The following C12orf42 variants were observed in gnomAD, a reference collection of about 807,000 sequenced individuals.
The protein encoded by C12orf42 is uncharacterized protein C12orf42.
Under a neutral mutation model 21.6 loss-of-function variants are expected in C12orf42, and 25 were observed. That is an observed-to-expected ratio of 1.16 (90% CI 0.84 to 1.62). C12orf42 has a LOEUF of 1.62. Ranked by LOEUF, C12orf42 falls within the 40% of genes most tolerant of loss-of-function variation. C12orf42 has a pLI of 0.00. For synonymous variants in C12orf42, 174 were observed against 175.0 expected (o/e 0.99, Z 0.05); for missense variants, 483 against 459.3 (o/e 1.05, Z -0.47).
chr12:103,346,694 C>A (rs2042649960), intron 4 of C12orf42, among the ~76,000 whole-genome samples: 1 of 152,172 alleles, frequency 6.6e-6, no homozygotes, highest in South Asian at 2.1e-4. Flanking sequence ...CCATCCTAAG[C>A]AGAATCCTTC....
the C12orf42 span, among the ~76,000 whole-genome samples, chr12:103,114,101 A>G: frequency 6.6e-6 from 1 of 152,230 alleles, no homozygotes; most frequent in African/African-American, 2.4e-5. Flanking sequence ...AACAACCTTT[A>G]ATACCGTGAC....
intron 4 of C12orf42, among the ~76,000 whole-genome samples, chr12:103,317,955 C>A (rs1281263716): frequency 6.6e-6 from 1 of 152,160 alleles, no homozygotes; most frequent in Non-Finnish European, 1.5e-5. Context: ...TTTGTCCATT[C>A]TCTTATTGAC....
At chr12:103,234,163 T>C (rs375686251), downstream of C12orf42, among the ~76,000 whole-genome samples, 2 of 152,346 alleles carry the variant, frequency 1.3e-5, no homozygotes, top group South Asian at 2.1e-4. Context: ...TCCCACTTAG[T>C]CATGGAGTGT....
At chr12:103,367,513 C>G (rs910003258) in intron 4 of C12orf42, among the ~76,000 whole-genome samples, 6 of 151,152 alleles carry the variant, frequency 4.0e-5, no homozygotes, top group African/African-American at 1.5e-4. Flanking sequence ...AATGCACTGA[C>G]GTGGGAAGAG....
the C12orf42 span, among the ~76,000 whole-genome samples, chr12:103,176,660 G>A: frequency 6.6e-6 from 1 of 152,174 alleles, no homozygotes; most frequent in African/African-American, 2.4e-5. Flanking sequence ...CCTCATGGGT[G>A]AGGTCCTGAA....
At chr12:103,240,527 G>A (rs978659226) in intron 10 of C12orf42, among the ~76,000 whole-genome samples, 6 of 152,258 alleles carry the variant, frequency 3.9e-5, no homozygotes, top group East Asian at 1.9e-4. Context: ...CTGAAGTCAT[G>A]AGAACTGAAT....
intron 2 of C12orf42, among the ~76,000 whole-genome samples, chr12:103,416,062 C>A (rs1359968299): frequency 6.7e-6 from 1 of 149,662 alleles, no homozygotes; most frequent in Non-Finnish European, 1.5e-5. Flanking sequence ...CTTTCTGCAA[C>A]TGAGTGTGTA....
chr12:103,167,504 G>C, the C12orf42 span, among the ~76,000 whole-genome samples: 2 of 152,064 alleles, frequency 1.3e-5, no homozygotes, highest in Non-Finnish European at 2.9e-5. Context: ...CTGAAGCCCC[G>C]ATGAATTCCT....
the C12orf42 span, among the ~76,000 whole-genome samples, chr12:103,149,757 A>C: frequency 6.6e-6 from 1 of 152,188 alleles, no homozygotes; most frequent in Non-Finnish European, 1.5e-5. Flanking sequence ...TCCGCAGCCA[A>C]GTGGAATTGT....
the C12orf42 span, among the ~76,000 whole-genome samples, chr12:103,223,865 G>A: frequency 6.6e-5 from 10 of 152,140 alleles, no homozygotes; most frequent in Non-Finnish European, 1.2e-4. Context: ...CCTTTTTGGT[G>A]GCTGAGCTTG....
At chr12:103,432,780 C>A (rs566021585) in intron 2 of C12orf42, among the ~76,000 whole-genome samples, 42 of 152,260 alleles carry the variant, frequency 2.8e-4, no homozygotes, top group Non-Finnish European at 5.0e-4. Flanking sequence ...CAGATACACA[C>A]ACAGAGGGAT....
At chr12:103,336,482 G>A (rs1335103357) in intron 4 of C12orf42, among the ~76,000 whole-genome samples, 1 of 152,186 alleles carries the variant, frequency 6.6e-6, no homozygotes, top group Admixed American at 6.5e-5. Context: ...TTTACAAAGA[G>A]TGAGGAGAGA....
chr12:103,435,467 C>T (rs1372930795), intron 2 of C12orf42, among the ~76,000 whole-genome samples: 2 of 152,164 alleles, frequency 1.3e-5, no homozygotes, highest in Non-Finnish European at 2.9e-5. Context: ...TATGGGAGGA[C>T]ATCCAAACCA....
the C12orf42 span, among the ~76,000 whole-genome samples, chr12:103,539,329 T>C: frequency 6.6e-6 from 1 of 151,424 alleles, no homozygotes; most frequent in Non-Finnish European, 1.5e-5. Context: ...ATAAAATCAA[T>C]TGCACAGGCT....
At chr12:103,465,607 A>C (rs1237358825) in intron 2 of C12orf42, among the ~76,000 whole-genome samples, 1 of 152,116 alleles carries the variant, frequency 6.6e-6, no homozygotes, top group East Asian at 1.9e-4. Context: ...CTCTTGCCTG[A>C]TTGCCCTGGT....
chr12:103,067,584 T>C, the C12orf42 span, among the ~76,000 whole-genome samples: 1 of 152,106 alleles, frequency 6.6e-6, no homozygotes, highest in South Asian at 2.1e-4. Context: ...AATGAAGGGG[T>C]AGAAGTGGAA....
At chr12:103,401,503 A>G in intron 3 of C12orf42, 104 bp downstream of exon 3, 1 of 921,206 alleles carries the variant, frequency 1.1e-6, no homozygotes, top group Non-Finnish European at 1.7e-6. Flanking sequence ...TACTAGCTAT[A>G]AAGTCAAAAA....
the C12orf42 span, among the ~76,000 whole-genome samples, chr12:103,136,047 G>A: frequency 6.6e-6 from 1 of 152,140 alleles, no homozygotes; most frequent in East Asian, 1.9e-4. Context: ...GTCCTGGCCA[G>A]AGCAATCAGT....
chr12:103,111,463 C>T, the C12orf42 span, among the ~76,000 whole-genome samples: 66 of 152,212 alleles, frequency 4.3e-4, no homozygotes, highest in African/African-American at 1.6e-3. Context: ...TTCATTGATT[C>T]GATGAATATT....
Sources: allele counts gnomAD v4.1 joint callset (sites outside exome capture counted in the v4.1 genomes callset), GRCh38; gene constraint gnomAD v4.1.1; transcripts MANE v1.5; gene names NCBI Gene and HGNC (gene_info 2026-07-23, HGNC 2026-07-21).